STUM: variants seen among roughly 807,000 people sequenced by gnomAD.
The protein encoded by STUM is protein stum homolog.
In STUM, 8 loss-of-function variants were observed where a neutral mutation model predicts 15.3. The observed-to-expected ratio is 0.52, with a 90% confidence interval of 0.31 to 0.94. The LOEUF is 0.94. Ranked by LOEUF, STUM falls within the 40% of genes least tolerant of loss-of-function variation. The pLI, the probability that STUM is intolerant of heterozygous loss-of-function variation, is 0.05. For synonymous variants in STUM, 78 were observed against 88.7 expected (o/e 0.88, Z 0.68); for missense variants, 142 against 204.9 (o/e 0.69, Z 1.87).
At chr1:226,601,202 C>T (rs1303727298) in intron 3 of STUM, among the ~76,000 whole-genome samples, 2 of 152,128 alleles carry the variant, frequency 1.3e-5, no homozygotes, top group Non-Finnish European at 2.9e-5. Context: ...TCTCGGCTCA[C>T]TGCAACCTCC....
chr1:226,600,775 C>T lies in STUM; in HGVS notation c.391+101C>T. On this transcript the variant is annotated intron_variant, in intron 3 of 3. Coordinates refer to ENST00000366788, the MANE Select transcript of STUM (RefSeq NM_001003665.4). The surrounding 1 kb of genome is among the most constrained non-coding windows in gnomAD (Gnocchi z 5.2). ...CACACAAACACCCCACCCACTCTCC[C>T]AGTGGGTCAATGGGCTTTTATGTTT... 1.6e-6 allele frequency: 2 copies of T among 1,289,572 alleles called. No homozygotes were observed. The highest frequency in any genetic ancestry group is 1.7e-5 in the Admixed American group (1 of 58,442). The allele number at this position is 1,289,572 out of a possible 1,614,324, so 79.9% of individuals were successfully genotyped here. A position where few individuals can be genotyped will look rare whatever the true frequency, so the allele number is the denominator to read the frequency against.
chr1:226,569,705 G>A (rs708751), intron 1 of STUM, among the ~76,000 whole-genome samples: 2,124 of 152,214 alleles, frequency 0.014, 62 homozygotes, highest in African/African-American at 0.049. Context: ...TCAATGTAAC[G>A]TACCCCCAAA....
chr1:226,548,930 A>AGACG lies in STUM; in HGVS notation c.28_31dup (p.Ala11AspfsTer147). 1 of 1,443,804 alleles carries AGACG rather than the reference A, an allele frequency of 6.9e-7. No individual in the cohort carries two copies. 89.4% of individuals were successfully genotyped at this position (1,443,804 alleles called of 1,614,324 possible). On this transcript the variant is annotated frameshift_variant, in exon 1 of 4. Transcript: ENST00000366788. LOFTEE classifies it high-confidence loss of function. Reference sequence around the variant, plus strand: ...ATGGAGCCCTCGCACAAAGACGCCGAGACGGCGGCGGCGGCGGCGGCGGTG... The same window carrying AGACG: ...ATGGAGCCCTCGCACAAAGACGCCGAGACGGACGGCGGCGGCGGCGGCGGCGGTG...
At chr1:226,583,659 C>G (rs909944354) in intron 1 of STUM, among the ~76,000 whole-genome samples, 2 of 152,144 alleles carry the variant, frequency 1.3e-5, no homozygotes, top group East Asian at 3.8e-4. Flanking sequence ...AGCTCTGTGT[C>G]CCCTAGAGTC....
chr1:226,596,368 G>A (rs1668180000), intron 1 of STUM, among the ~76,000 whole-genome samples: 1 of 152,142 alleles, frequency 6.6e-6, no homozygotes, highest in Non-Finnish European at 1.5e-5. Flanking sequence ...TTACCTCTGA[G>A]GTTGCTTCTG....
chr1:226,556,055 C>T (rs922457678), intron 1 of STUM, among the ~76,000 whole-genome samples: 18 of 152,176 alleles, frequency 1.2e-4, no homozygotes, highest in African/African-American at 4.3e-4. Context: ...ATATTTTACA[C>T]TTATAGCACA....
At chr1:226,561,929 G>A (rs1667548196) in intron 1 of STUM, among the ~76,000 whole-genome samples, 1 of 151,112 alleles carries the variant, frequency 6.6e-6, no homozygotes, top group African/African-American at 2.4e-5. Context: ...AGTCACAAAA[G>A]GCCATGCATT....
intron 1 of STUM, among the ~76,000 whole-genome samples, chr1:226,596,003 C>T (rs1360343760): frequency 6.6e-6 from 1 of 152,168 alleles, no homozygotes; most frequent in South Asian, 2.1e-4. Flanking sequence ...ATTCTCTGCA[C>T]GGTTGTTGTC....
chr1:226,577,357 A>C (rs542137048), intron 1 of STUM, among the ~76,000 whole-genome samples: 39 of 152,352 alleles, frequency 2.6e-4, no homozygotes, highest in Non-Finnish European at 4.9e-4. Context: ...GGTTAAAAAA[A>C]AAAGTGAAAT....
rs1219789851 is a variant in STUM at position 226,606,195 on chromosome 1, T to A, written c.*4155T>A. ...CAAAGGCCTTCCGAAGGCCCGAGGTTCTTGAGGAGGGGAAGCTGATAGGGC... is the reference window on the plus strand; with the variant it reads ...CAAAGGCCTTCCGAAGGCCCGAGGTACTTGAGGAGGGGAAGCTGATAGGGC... On this transcript the variant is annotated 3_prime_UTR_variant, in exon 4 of 4. Coordinates refer to ENST00000366788, the MANE Select transcript of STUM (RefSeq NM_001003665.4). 1.1e-5 allele frequency: 1 copy of A among 89,410 alleles called. No homozygotes were observed. The highest frequency in any genetic ancestry group is 2.3e-5 in the Non-Finnish European group (1 of 43,770). 5.5% of individuals were successfully genotyped at this position (89,410 alleles called of 1,614,324 possible).
intron 1 of STUM, among the ~76,000 whole-genome samples, chr1:226,571,920 C>T (rs7519191): frequency 0.7 from 106,325 of 152,076 alleles, 39,834 homozygotes; most frequent in Non-Finnish European, 0.83. Context: ...GGATTACAGG[C>T]GTGAGCCACC....
chr1:226,597,970 A>G (rs543880908), intron 2 of STUM, among the ~76,000 whole-genome samples: 1 of 152,286 alleles, frequency 6.6e-6, no homozygotes, highest in East Asian at 1.9e-4. Context: ...GGGAGGAATG[A>G]GCTGGGAAGC....
chr1:226,597,511 C>A, intron 2 of STUM: 1 of 468,150 alleles, frequency 2.1e-6, no homozygotes, highest in Non-Finnish European at 4.5e-6. Flanking sequence ...TGTCCTATAC[C>A]CCCCAAAACC....
chr1:226,560,123 A>T (rs1468003738), intron 1 of STUM, among the ~76,000 whole-genome samples: 5 of 152,216 alleles, frequency 3.3e-5, no homozygotes, highest in African/African-American at 1.2e-4. Context: ...TAGGTGACAG[A>T]GTGAGACTCT....
At chr1:226,563,018 T>C (rs1283626583) in intron 1 of STUM, among the ~76,000 whole-genome samples, 5 of 152,070 alleles carry the variant, frequency 3.3e-5, no homozygotes, top group African/African-American at 7.2e-5. Flanking sequence ...AAGAAACAAA[T>C]AAGAATGTGG....
At position 226,565,581 on chromosome 1, in the gene STUM, G is replaced by A. The variant is rs951504954; in HGVS notation, c.202+16475G>A. 6.6e-6 allele frequency among the ~76,000 whole-genome samples: 1 copy of A among 152,244 alleles called. No individual in the cohort carries two copies. The highest frequency in any genetic ancestry group is 2.4e-5 in the African/African-American group (1 of 41,454). ...GCCAGGGCTTCCTGCCGTCTGAAAA[G>A]TGTGGGTGTCCAGCTTGCAAATGGC... On this transcript the variant is annotated intron_variant, in intron 1 of 3. Transcript: ENST00000366788. The surrounding 1 kb of genome is among the most constrained non-coding windows in gnomAD (Gnocchi z 4.4).
At chr1:226,570,060 C>T (rs1405551611) in intron 1 of STUM, among the ~76,000 whole-genome samples, 5 of 152,184 alleles carry the variant, frequency 3.3e-5, no homozygotes, top group Admixed American at 3.3e-4. Flanking sequence ...ACCTGAGCCC[C>T]GCCCCTCCCT....
intron 1 of STUM, among the ~76,000 whole-genome samples, chr1:226,550,119 G>A (rs561698017): frequency 2.2e-3 from 338 of 152,304 alleles, no homozygotes; most frequent in African/African-American, 7.7e-3. Context: ...CCCTGTCGGC[G>A]AGCCTGTTGC....
chr1:226,578,961 A>T (rs1330703819), intron 1 of STUM, among the ~76,000 whole-genome samples: 1 of 152,214 alleles, frequency 6.6e-6, no homozygotes, highest in Non-Finnish European at 1.5e-5. Flanking sequence ...TTGGGGAGCT[A>T]AAAGTTCATA....
Sources: allele counts gnomAD v4.1 joint callset (sites outside exome capture counted in the v4.1 genomes callset), GRCh38; gene constraint gnomAD v4.1.1; non-coding constraint Gnocchi (gnomAD v3.1); transcripts MANE v1.5; gene names NCBI Gene and HGNC (gene_info 2026-07-23, HGNC 2026-07-21).